MVB12B: variants seen among roughly 807,000 people sequenced by gnomAD.
MVB12B encodes the protein ESCRT-I complex subunit MVB12B.
A neutral mutation model predicts 41.6 loss-of-function variants in MVB12B; 16 were observed. That is an observed-to-expected ratio of 0.38 (90% CI 0.26 to 0.58). The LOEUF is 0.58. Ranked by LOEUF, MVB12B falls within the 20% of genes least tolerant of loss-of-function variation. The pLI is 0.62. For synonymous variants in MVB12B, 133 were observed against 139.7 expected (o/e 0.95, Z 0.34); for missense variants, 274 against 380.2 (o/e 0.72, Z 2.32).
At chr9:126,397,336 G>C (rs1227259680) in intron 6 of MVB12B, 1 of 985,458 alleles carries the variant, frequency 1.0e-6, no homozygotes, top group Non-Finnish European at 1.2e-6. Context: ...AAAGTCACTT[G>C]CACCTGAAGC....
chr9:126,342,532 C>T (rs905115231), intron 2 of MVB12B, among the ~76,000 whole-genome samples: 1 of 152,196 alleles, frequency 6.6e-6, no homozygotes, highest in South Asian at 2.1e-4. Flanking sequence ...CATGATTGTG[C>T]TGTGCCATGC....
intron 6 of MVB12B, among the ~76,000 whole-genome samples, chr9:126,412,834 C>T (rs573901543): frequency 1.3e-5 from 2 of 152,298 alleles, no homozygotes; most frequent in Admixed American, 6.5e-5. Flanking sequence ...CATTCTGCAA[C>T]TTTGTTTTTG....
chr9:126,370,363 T>C (rs1216585722), intron 2 of MVB12B, among the ~76,000 whole-genome samples: 2 of 151,116 alleles, frequency 1.3e-5, no homozygotes, highest in Non-Finnish European at 2.9e-5. Flanking sequence ...CTTTTTCTTA[T>C]TGCTTGGGAG....
At chr9:126,356,293 A>G (rs978606271) in intron 2 of MVB12B, among the ~76,000 whole-genome samples, 6 of 152,160 alleles carry the variant, frequency 3.9e-5, no homozygotes, top group Non-Finnish European at 7.3e-5. Context: ...ACATATTTGC[A>G]ATACTGAGTT....
intron 7 of MVB12B, among the ~76,000 whole-genome samples, chr9:126,476,261 C>A (rs1253333155): frequency 6.6e-6 from 1 of 152,252 alleles, no homozygotes; most frequent in Non-Finnish European, 1.5e-5. Flanking sequence ...AAGGTGCCCT[C>A]ACCCAGGCAC....
chr9:126,369,644 GT>G (rs891504264), intron 2 of MVB12B, among the ~76,000 whole-genome samples: 3 of 151,104 alleles, frequency 2.0e-5, no homozygotes, highest in Non-Finnish European at 3.0e-5. Flanking sequence ...TTTCACGTGG[GT>G]TTTTTTTTGT....
rs545473243 is a variant in MVB12B at position 126,395,835 on chromosome 9, G to A, written c.662+138G>A. The A allele has an allele frequency of 1.1e-5, 16 of 1,460,066 alleles. No homozygotes were observed. The African/African-American group carries it at 1.7e-4, about 15-fold the overall frequency. 90.4% of individuals were successfully genotyped at this position (1,460,066 alleles called of 1,614,324 possible). A position where few individuals can be genotyped will look rare whatever the true frequency, so the allele number is the denominator to read the frequency against. On this transcript the variant is annotated intron_variant, in intron 6 of 9. Transcript: ENST00000361171. The surrounding 1 kb of genome is among the most constrained non-coding windows in gnomAD (Gnocchi z 4.9). Reference sequence around the variant, plus strand: ...ATTGTAGAAGCAATATATCTTTAGAGGAGATTTTTAAAAATCCACTTGGAA... The same window carrying A: ...ATTGTAGAAGCAATATATCTTTAGAAGAGATTTTTAAAAATCCACTTGGAA...
intron 6 of MVB12B, among the ~76,000 whole-genome samples, chr9:126,417,206 C>A (rs1831851030): frequency 6.6e-6 from 1 of 152,204 alleles, no homozygotes; most frequent in Non-Finnish European, 1.5e-5. Flanking sequence ...CTGTCCCTTA[C>A]CCACTCTTGC....
chr9:126,385,817 A>G (rs181720438), intron 3 of MVB12B, among the ~76,000 whole-genome samples: 130 of 152,354 alleles, frequency 8.5e-4, no homozygotes, highest in Non-Finnish European at 1.5e-3. Flanking sequence ...AGATATCTTT[A>G]GAGCTCATTT....
chr9:126,439,611 G>C (rs1832581414), intron 7 of MVB12B, among the ~76,000 whole-genome samples: 1 of 152,212 alleles, frequency 6.6e-6, no homozygotes. Context: ...CACACGTACA[G>C]TACCAACTCA....
intron 2 of MVB12B, among the ~76,000 whole-genome samples, chr9:126,350,142 A>G (rs950976211): frequency 2.6e-5 from 4 of 152,180 alleles, no homozygotes; most frequent in Non-Finnish European, 5.9e-5. Context: ...TATGTCTTCC[A>G]TGAAAATTTC....
In MVB12B at chr9:126,421,967, G is replaced by A. The variant is rs765665612; in HGVS notation, c.757+19G>A. ...ATATCAGGTATGTGGAGCCACCGCT[G>A]CAGGCCAGCTACAGAGTCTGTGTCC... is the stretch of plus-strand genomic sequence containing the variant. On this transcript the variant is annotated intron_variant, in intron 7 of 9. Coordinates refer to ENST00000361171, the MANE Select transcript of MVB12B (RefSeq NM_033446.3). 44 of 1,573,960 alleles carry A rather than the reference G, an allele frequency of 2.8e-5. No individual in the cohort carries two copies. The highest frequency in any genetic ancestry group is 4.5e-5 in the East Asian group (2 of 44,664).
Position 126,459,593 on chromosome 9 carries a change from C to T in MVB12B, c.758-21776C>T, listed in dbSNP as rs1190959251. Among the ~76,000 whole-genome samples the T allele has an allele frequency of 3.3e-5, 5 of 152,164 alleles. No individual in the cohort carries two copies. Among genetic ancestry groups the T allele is most frequent in the South Asian group, 2.1e-4 (1 of 4,826 alleles). ...GTCTGAGGTCCCAGAGCCAAAGCCTCGGGAGGCTTGGGGCTAAGGATGTGT... is the reference window on the plus strand; with the variant it reads ...GTCTGAGGTCCCAGAGCCAAAGCCTTGGGAGGCTTGGGGCTAAGGATGTGT... On this transcript the variant is annotated intron_variant, in intron 7 of 9. Transcript: ENST00000361171. This position sits in a 1 kb window ranked among gnomAD's most constrained non-coding sequence, Gnocchi z 4.3.
chr9:126,447,534 C>T (rs1014527833), intron 7 of MVB12B, among the ~76,000 whole-genome samples: 8 of 151,706 alleles, frequency 5.3e-5, no homozygotes, highest in African/African-American at 1.7e-4. Context: ...TGTAATTATC[C>T]GAGAATATGA....
intron 6 of MVB12B, among the ~76,000 whole-genome samples, chr9:126,400,846 C>T (rs1043744925): frequency 2.6e-5 from 4 of 152,230 alleles, no homozygotes; most frequent in African/African-American, 7.2e-5. Context: ...ACCGTGTCTC[C>T]GTCCAGGGTA....
In MVB12B at chr9:126,381,078, A is replaced by G. The variant is rs1332505526; in HGVS notation, c.219A>G (p.Ala73=). ...PTGYDVVAQT[A]DGVDADLWKD... The stretch of plus-strand genomic sequence containing the variant: ...CTCCGGTGTAGGTTGCACAGACAGC[A>G]GATGGTGTGGATGCTGACCTCTGGA... Residue 73 remains alanine, a synonymous_variant, in exon 3 of 10, where the codon GCA becomes GCG. Coordinates refer to ENST00000361171, the MANE Select transcript of MVB12B (RefSeq NM_033446.3). 4 of 1,614,098 alleles carry G rather than the reference A, an allele frequency of 2.5e-6. No individual in the cohort carries two copies. The highest frequency in any genetic ancestry group is 3.4e-6 in the Non-Finnish European group (4 of 1,179,966).
At chr9:126,449,318 C>T (rs1028644972) in intron 7 of MVB12B, among the ~76,000 whole-genome samples, 1 of 152,090 alleles carries the variant, frequency 6.6e-6, no homozygotes, top group African/African-American at 2.4e-5. Flanking sequence ...GGCTCGGTGG[C>T]CGCAAGCACG....
intron 1 of MVB12B, among the ~76,000 whole-genome samples, chr9:126,337,900 G>A (rs1293015061): frequency 6.6e-6 from 1 of 152,224 alleles, no homozygotes; most frequent in Non-Finnish European, 1.5e-5. Context: ...GCTCCGCGCG[G>A]CCTGGGAAAT....
chr9:126,465,126 C>A (rs1396487712), intron 7 of MVB12B, among the ~76,000 whole-genome samples: 2 of 152,188 alleles, frequency 1.3e-5, no homozygotes, highest in Non-Finnish European at 2.9e-5. Flanking sequence ...CTATAGAAAT[C>A]AGCTGTCATG....
Sources: allele counts gnomAD v4.1 joint callset (sites outside exome capture counted in the v4.1 genomes callset), GRCh38; gene constraint gnomAD v4.1.1; non-coding constraint Gnocchi (gnomAD v3.1); transcripts MANE v1.5; gene names NCBI Gene and HGNC (gene_info 2026-07-23, HGNC 2026-07-21).